NFE2L3: variants seen among roughly 807,000 people sequenced by gnomAD.
The protein encoded by NFE2L3 is NFE2 like bZIP transcription factor 3, also known as nuclear factor erythroid 2-related factor 3.
Under a neutral mutation model 23.5 loss-of-function variants are expected in NFE2L3, and 18 were observed. That is an observed-to-expected ratio of 0.77 (90% confidence interval 0.53 to 1.13). NFE2L3 has a LOEUF of 1.13. Among genes scored for constraint, NFE2L3 ranks in the 50% most tolerant of loss-of-function variants. The pLI is 0.00. For synonymous variants in NFE2L3, 424 were observed against 354.5 expected (o/e 1.20, Z -2.20); for missense variants, 1,152 against 877.2 (o/e 1.31, Z -3.96).
At chr7:26,169,969 C>G (rs1189723735) in intron 1 of NFE2L3, among the ~76,000 whole-genome samples, 1 of 152,140 alleles carries the variant, frequency 6.6e-6, no homozygotes, top group Non-Finnish European at 1.5e-5. Flanking sequence ...GCTATGCAGT[C>G]TCTTCTTCCC....
intron 1 of NFE2L3, among the ~76,000 whole-genome samples, chr7:26,166,581 A>G (rs912045850): frequency 2.6e-5 from 4 of 152,214 alleles, no homozygotes; most frequent in African/African-American, 9.7e-5. Context: ...CCTCCTCTGT[A>G]ATAACAATAC....
chr7:26,160,763 A>C (rs571778998), intron 1 of NFE2L3, among the ~76,000 whole-genome samples: 72 of 152,394 alleles, frequency 4.7e-4, no homozygotes, highest in African/African-American at 1.6e-3. Flanking sequence ...GAATACCTTC[A>C]GAGCAACACA....
chr7:26,178,751 C>T (rs1458173927), intron 2 of NFE2L3, among the ~76,000 whole-genome samples: 1 of 152,182 alleles, frequency 6.6e-6, no homozygotes. Context: ...TTGGGCTGTA[C>T]TCTGATTTCT....
Position 26,185,276 on chromosome 7 carries a change from A to G in NFE2L3, c.1578A>G (p.Arg526=), listed in dbSNP as rs13309642. Residue 526 remains arginine, a synonymous_variant, in exon 4 of 4, where the codon AGA becomes AGG. Transcript: ENST00000056233. ...GGAAGTCACAGAAGATAAGGAGTAG[A>G]TACCTTGAAGACACAGATAGAAACT... is the stretch of plus-strand genomic sequence containing the variant. The part of the protein sequence containing the change: ...WPGKSQKIRS[R]YLEDTDRNLS... 9 of 1,614,148 alleles carry G rather than the reference A, an allele frequency of 5.6e-6. No homozygotes were observed. The highest frequency in any genetic ancestry group is 6.8e-6 in the Non-Finnish European group (8 of 1,179,998).
intron 1 of NFE2L3, among the ~76,000 whole-genome samples, chr7:26,161,335 CTTTTTTTTTTTT>C (rs914055111): frequency 6.3e-4 from 44 of 69,578 alleles, no homozygotes; most frequent in African/African-American, 1.2e-3. Context: ...GCTTCTCTCT[CTTTTTTTTTTTT>C]TTTTTTTTTT....
At position 26,157,189 on chromosome 7, in the gene NFE2L3, AT is replaced by A. The variant is rs953578769; in HGVS notation, c.570+4129del. ...GAGAATCTGATCCAGTCAATATTTAATTTTTTTTGGGACAGGGTCACTTTGC... is the reference window on the plus strand; with the variant it reads ...GAGAATCTGATCCAGTCAATATTTAATTTTTTTGGGACAGGGTCACTTTGC... On this transcript the variant is annotated intron_variant, in intron 1 of 3. Coordinates refer to ENST00000056233, the MANE Select transcript of NFE2L3 (RefSeq NM_004289.7). Among the ~76,000 whole-genome samples, 6 of 151,820 alleles carry A rather than the reference AT, an allele frequency of 4.0e-5. No individual in the cohort carries two copies. The South Asian group carries it at 1.0e-3, about 26-fold the overall frequency.
chr7:26,172,802 G>C (rs1402029728), intron 1 of NFE2L3, among the ~76,000 whole-genome samples: 5 of 152,200 alleles, frequency 3.3e-5, no homozygotes, highest in Non-Finnish European at 7.3e-5. Context: ...TTTGATGATA[G>C]AGTTGACCAT....
At chr7:26,174,375 G>C (rs1011009981) in intron 1 of NFE2L3, 8 of 152,374 alleles carry the variant, frequency 5.3e-5, no homozygotes, top group South Asian at 2.1e-4. Flanking sequence ...GACCAAGGGA[G>C]GGGTTTTTAA....
In NFE2L3 at chr7:26,186,571, G is replaced by C. The variant is rs868634239; in HGVS notation, c.*788G>C. The C allele has an allele frequency of 1.3e-5, 2 of 152,206 alleles. No homozygotes were observed. The highest frequency in any genetic ancestry group is 2.4e-5 in the African/African-American group (1 of 41,460). The allele number at this position is 152,206 out of a possible 1,614,324, so 9.4% of individuals were successfully genotyped here. ...GCCACAGGCCTTCCTCATGTAACCAGAGACAGAATGGGCTACTTGCAAAAA... is the reference window on the plus strand; with the variant it reads ...GCCACAGGCCTTCCTCATGTAACCACAGACAGAATGGGCTACTTGCAAAAA... On this transcript the variant is annotated 3_prime_UTR_variant, in exon 4 of 4. Transcript: ENST00000056233.
At position 26,185,921 on chromosome 7, in the gene NFE2L3, T is replaced by G; in HGVS notation, c.*138T>G. ...TTGAATAACTCAGTTAACGCTGTTT[T>G]GAAGCTTACATGGACAAATGTTTAG... On this transcript the variant is annotated 3_prime_UTR_variant, in exon 4 of 4. Transcript: ENST00000056233. 1.3e-6 allele frequency: 1 copy of G among 748,592 alleles called. No homozygotes were observed. 46.4% of individuals were successfully genotyped at this position (748,592 alleles called of 1,614,324 possible).
intron 3 of NFE2L3, chr7:26,184,166 G>A: frequency 1.2e-5 from 4 of 334,822 alleles, no homozygotes; most frequent in Non-Finnish European, 2.2e-5. Context: ...CTCTCCTCCA[G>A]ACTACTTCAC....
chr7:26,184,014 CAAA>C, intron 3 of NFE2L3: 2 of 501,800 alleles, frequency 4.0e-6, no homozygotes, highest in Non-Finnish European at 7.0e-6. Flanking sequence ...GGAGATTTCT[CAAA>C]AAACTAAAAG....
intron 3 of NFE2L3, 81 bp from the exon 4 acceptor site, chr7:26,184,452 G>A (rs756460430): frequency 1.0e-5 from 13 of 1,290,564 alleles, no homozygotes; most frequent in Non-Finnish European, 1.4e-5. Flanking sequence ...GACAAAAGAG[G>A]GGAAAGAAAG....
At chr7:26,163,412 T>C (rs1011998348) in intron 1 of NFE2L3, among the ~76,000 whole-genome samples, 10 of 152,188 alleles carry the variant, frequency 6.6e-5, no homozygotes, top group Admixed American at 5.9e-4. Context: ...AATGGCGCGA[T>C]CTCAGCTCAC....
chr7:26,175,256 A>C (rs1784383236), intron 1 of NFE2L3, among the ~76,000 whole-genome samples: 1 of 151,042 alleles, frequency 6.6e-6, no homozygotes. Flanking sequence ...GCTACTTGGG[A>C]GGCTGAGGCA....
intron 1 of NFE2L3, among the ~76,000 whole-genome samples, chr7:26,154,227 CCTT>C (rs1467448896): frequency 6.6e-6 from 1 of 152,116 alleles, no homozygotes; most frequent in Non-Finnish European, 1.5e-5. Context: ...TTGGAGGGAT[CCTT>C]CTGTGTTCAG....
At position 26,177,854 on chromosome 7, in the gene NFE2L3, A is replaced by G; in HGVS notation, c.571-89A>G. On this transcript the variant is annotated intron_variant, in intron 1 of 3. Transcript: ENST00000056233. Reference sequence around the variant, plus strand: ...ATTGAAATGCCGGTCTTAGCTTTTGACTTGTGGGTTTTCATGGTCCCTGAA... The same window carrying G: ...ATTGAAATGCCGGTCTTAGCTTTTGGCTTGTGGGTTTTCATGGTCCCTGAA... 4.5e-6 allele frequency: 5 copies of G among 1,114,106 alleles called. No individual in the cohort carries two copies. In the South Asian group the frequency reaches 7.6e-5, roughly 17 times the overall value. The allele number at this position is 1,114,106 out of a possible 1,614,324, so 69.0% of individuals were successfully genotyped here.
At chr7:26,184,064 T>C (rs1021243212) in intron 3 of NFE2L3, 3 of 454,444 alleles carry the variant, frequency 6.6e-6, no homozygotes, top group African/African-American at 4.0e-5. Context: ...AGGAAATCAG[T>C]GTATCAAAGG....
chr7:26,169,657 A>G (rs960071853), intron 1 of NFE2L3, among the ~76,000 whole-genome samples: 2 of 152,244 alleles, frequency 1.3e-5, no homozygotes, highest in African/African-American at 4.8e-5. Flanking sequence ...TGTGTTTATT[A>G]TATTTGCTTC....
Sources: gnomAD v4.1 joint callset for allele counts (sites outside exome capture counted in the v4.1 genomes callset) on GRCh38, gnomAD v4.1.1 for gene constraint, MANE v1.5 for transcripts, NCBI Gene and HGNC (gene_info 2026-07-23, HGNC 2026-07-21) for gene names.